Variants in AUH observed in about 807,000 individuals in gnomAD.
AUH encodes the protein AU RNA binding methylglutaconyl-CoA hydratase.
AUH carries 29 observed loss-of-function variants against 42.3 expected under a neutral mutation model. The ratio of observed to expected loss-of-function variants is 0.69; its 90% CI spans 0.51 to 0.93. The LOEUF is 0.93. AUH is among the 40% of genes least tolerant of loss of function. AUH has a pLI of 0.00. For synonymous variants in AUH, 174 were observed against 166.4 expected (o/e 1.05, Z -0.35); for missense variants, 452 against 438.1 (o/e 1.03, Z -0.28).
intron 4 of AUH, among the ~76,000 whole-genome samples, chr9:91,307,347 G>A (rs547424804): frequency 5.8e-4 from 89 of 152,334 alleles, no homozygotes; most frequent in African/African-American, 2.0e-3. Flanking sequence ...AACAAGGGCT[G>A]ATGCAGAGAT....
chr9:91,242,818 A>G (rs1828593752), intron 6 of AUH, among the ~76,000 whole-genome samples: 2 of 152,228 alleles, frequency 1.3e-5, no homozygotes, highest in Non-Finnish European at 2.9e-5. Context: ...CAGATAGTAA[A>G]ATATCAGGAA....
At chr9:91,229,349 C>T (rs1391959095) in intron 6 of AUH, among the ~76,000 whole-genome samples, 2 of 145,914 alleles carry the variant, frequency 1.4e-5, no homozygotes, top group Admixed American at 1.4e-4. Context: ...GGTTTAAAGT[C>T]TGTTTTATCA....
At chr9:91,351,219 C>A (rs117038272) in intron 3 of AUH, among the ~76,000 whole-genome samples, 1 of 152,152 alleles carries the variant, frequency 6.6e-6, no homozygotes, top group East Asian at 1.9e-4. Flanking sequence ...CAACTGCCTA[C>A]CTCGGCCTCC....
At chr9:91,313,026 GA>G (rs1356266151) in intron 4 of AUH, among the ~76,000 whole-genome samples, 5 of 151,902 alleles carry the variant, frequency 3.3e-5, no homozygotes. Flanking sequence ...AACAGGACAA[GA>G]GGAAAAAAAA....
intron 6 of AUH, among the ~76,000 whole-genome samples, chr9:91,246,116 G>A (rs866289947): frequency 6.6e-6 from 1 of 152,166 alleles, no homozygotes; most frequent in African/African-American, 2.4e-5. Context: ...GCCCTGCTGG[G>A]TGATTCCTGC....
chr9:91,344,014 A>AAGCGGG (rs1831298639), intron 3 of AUH, among the ~76,000 whole-genome samples: 2 of 152,300 alleles, frequency 1.3e-5, no homozygotes, highest in Admixed American at 1.3e-4. Context: ...CCATGATGGA[A>AAGCGGG]AGTGGGAGTG....
intron 3 of AUH, among the ~76,000 whole-genome samples, chr9:91,353,820 CAAA>C (rs56842895): frequency 0.13 from 3,462 of 26,664 alleles, 25 homozygotes; most frequent in Non-Finnish European, 0.16. Context: ...GACTCCGTCT[CAAA>C]AAAAAAAAAA....
chr9:91,215,008 T>C (rs1047699609), intron 9 of AUH, among the ~76,000 whole-genome samples: 1 of 152,214 alleles, frequency 6.6e-6, no homozygotes, highest in African/African-American at 2.4e-5. Flanking sequence ...TCTAAGACGT[T>C]TGTAATTCAC....
At chr9:91,276,788 T>TAG (rs1404780683) in intron 6 of AUH, among the ~76,000 whole-genome samples, 1 of 152,182 alleles carries the variant, frequency 6.6e-6, no homozygotes, top group Non-Finnish European at 1.5e-5. Flanking sequence ...CAATAGCTTA[T>TAG]AGAACATAGA....
chr9:91,318,319 G>A (rs10991882), intron 4 of AUH, among the ~76,000 whole-genome samples: 32,831 of 152,078 alleles, frequency 0.22, 3,749 homozygotes, highest in East Asian at 0.35. Flanking sequence ...ACTGCTTTTA[G>A]AAATTTTTTT....
At chr9:91,335,425 T>C (rs1830623143) in intron 3 of AUH, among the ~76,000 whole-genome samples, 1 of 152,234 alleles carries the variant, frequency 6.6e-6, no homozygotes, top group Non-Finnish European at 1.5e-5. Flanking sequence ...AATCTGAATA[T>C]TGTGTATTTT....
intron 4 of AUH, among the ~76,000 whole-genome samples, chr9:91,318,060 G>T (rs1180244028): frequency 6.6e-6 from 1 of 152,124 alleles, no homozygotes; most frequent in African/African-American, 2.4e-5. Flanking sequence ...GTTTCTCTCG[G>T]ATTTAGGTAT....
chr9:91,224,302 G>T (rs745722761), intron 6 of AUH, among the ~76,000 whole-genome samples: 1 of 152,084 alleles, frequency 6.6e-6, no homozygotes, highest in South Asian at 2.1e-4. Context: ...TTTAATTTGC[G>T]TCTTGAGTTG....
intron 6 of AUH, among the ~76,000 whole-genome samples, chr9:91,227,638 A>C (rs1178152695): frequency 8.8e-5 from 12 of 135,832 alleles, no homozygotes; most frequent in African/African-American, 2.4e-4. Flanking sequence ...GCCAGTTTTC[A>C]AAGGGAATGC....
At chr9:91,339,311 C>T (rs1830926909) in intron 3 of AUH, among the ~76,000 whole-genome samples, 1 of 152,222 alleles carries the variant, frequency 6.6e-6, no homozygotes, top group South Asian at 2.1e-4. Flanking sequence ...GTCAAACCAT[C>T]ATTAAGTGAG....
rs150994925 is a variant in AUH at position 91,242,507 on chromosome 9, G to A, written c.656-21515C>T. 1.3e-3 allele frequency among the ~76,000 whole-genome samples: 196 copies of A among 152,318 alleles called. 4 individuals carry two copies. The East Asian group carries it at 0.035, about 27-fold the overall frequency. On this transcript the variant is annotated intron_variant, in intron 6 of 9. Coordinates refer to ENST00000375731, the MANE Select transcript of AUH (RefSeq NM_001698.3). ...AAAATAATAGAGGAGGAAAAGTGTG[G>A]AGAGAATACTATGGAAAACAATCCT...
intron 3 of AUH, among the ~76,000 whole-genome samples, chr9:91,329,591 G>A (rs1473042062): frequency 1.3e-5 from 2 of 152,018 alleles, no homozygotes; most frequent in African/African-American, 4.8e-5. Context: ...TTAAAATCAG[G>A]TAATTTGTTT....
chr9:91,227,127 G>A (rs1052074971), intron 6 of AUH, among the ~76,000 whole-genome samples: 16 of 150,326 alleles, frequency 1.1e-4, no homozygotes, highest in African/African-American at 2.9e-4. Flanking sequence ...CATTGAATCT[G>A]TAAATTACCT....
Position 91,277,791 on chromosome 9 carries a change from T to G in AUH, c.655+18230A>C, listed in dbSNP as rs1825660073. Among the ~76,000 whole-genome samples, 9 of 152,348 alleles carry G rather than the reference T, an allele frequency of 5.9e-5. No homozygotes were observed. In the South Asian group the frequency reaches 1.9e-3, roughly 32 times the overall value. On this transcript the variant is annotated intron_variant, in intron 6 of 9. Coordinates refer to ENST00000375731, the MANE Select transcript of AUH (RefSeq NM_001698.3). ...GAAATTCCTCAAAATTATTTCCAACTATGATTCTGATTTCCTAATCAGACA... is the reference window on the plus strand; with the variant it reads ...GAAATTCCTCAAAATTATTTCCAACGATGATTCTGATTTCCTAATCAGACA...
Sources: gnomAD v4.1 joint callset for allele counts (sites outside exome capture counted in the v4.1 genomes callset) on GRCh38, gnomAD v4.1.1 for gene constraint, MANE v1.5 for transcripts, NCBI Gene and HGNC (gene_info 2026-07-23, HGNC 2026-07-21) for gene names.